GARRE1: variants seen among roughly 807,000 people sequenced by gnomAD.
GARRE1 encodes granule associated Rac and RHOG effector protein 1.
GARRE1 carries 49 observed loss-of-function variants against 103.2 expected under a neutral mutation model. The ratio of observed to expected loss-of-function variants is 0.47; its 90% confidence interval spans 0.38 to 0.60. The LOEUF (loss-of-function observed/expected upper bound fraction) is 0.60, where lower values mean the gene tolerates loss of function less well. Ranked by LOEUF, GARRE1 falls within the 20% of genes least tolerant of loss-of-function variation. The probability of loss-of-function intolerance (pLI) is 0.00; values close to 1 mark genes in which losing one functional copy is unlikely to be tolerated. For synonymous variants in GARRE1, 505 were observed against 532.8 expected (o/e 0.95, Z 0.72); for missense variants, 1,199 against 1,370.5 (o/e 0.87, Z 1.98).
At chr19:34,256,689 A>G (rs2073675235) in intron 1 of GARRE1, among the ~76,000 whole-genome samples, 1 of 152,106 alleles carries the variant, frequency 6.6e-6, no homozygotes, top group Non-Finnish European at 1.5e-5. Flanking sequence ...ATTTTATCAT[A>G]TTTTAGACTA....
intron 2 of GARRE1, among the ~76,000 whole-genome samples, chr19:34,319,210 T>C (rs2074074063): frequency 6.6e-6 from 1 of 152,188 alleles, no homozygotes; most frequent in African/African-American, 2.4e-5. Flanking sequence ...CTTATTATAA[T>C]TACATATTCA....
chr19:34,293,973 T>C (rs1455653870), intron 1 of GARRE1, among the ~76,000 whole-genome samples: 2 of 151,644 alleles, frequency 1.3e-5, no homozygotes, highest in African/African-American at 2.4e-5. Context: ...TTGGCCAGGC[T>C]GGTCTCTAAC....
At chr19:34,264,688 A>G (rs921774722) in intron 1 of GARRE1, among the ~76,000 whole-genome samples, 9 of 152,138 alleles carry the variant, frequency 5.9e-5, no homozygotes, top group East Asian at 5.8e-4. Context: ...GTGAGCCACC[A>G]CGCCCGGCTG....
chr19:34,326,925 T>A (rs1193487530), intron 3 of GARRE1, among the ~76,000 whole-genome samples: 1 of 151,894 alleles, frequency 6.6e-6, no homozygotes, highest in Non-Finnish European at 1.5e-5. Flanking sequence ...GAGGCCGAGG[T>A]GGGTGGATCA....
chr19:34,265,393 G>C (rs181890330), intron 1 of GARRE1, among the ~76,000 whole-genome samples: 172 of 152,274 alleles, frequency 1.1e-3, no homozygotes, highest in African/African-American at 4.0e-3. Flanking sequence ...GAGAGAATGC[G>C]CTACATCCTT....
intron 3 of GARRE1, among the ~76,000 whole-genome samples, chr19:34,322,464 G>A (rs1430128516): frequency 6.6e-6 from 1 of 151,186 alleles, no homozygotes; most frequent in South Asian, 2.1e-4. Flanking sequence ...GAGCCACCAT[G>A]CCTGGCCATT....
intron 1 of GARRE1, among the ~76,000 whole-genome samples, chr19:34,284,608 T>G (rs2073875331): frequency 6.6e-6 from 1 of 152,244 alleles, no homozygotes; most frequent in South Asian, 2.1e-4. Flanking sequence ...TGTATTTGAT[T>G]TTTTAAGTAG....
chr19:34,291,375 T>C (rs901876760), intron 1 of GARRE1, among the ~76,000 whole-genome samples: 14 of 152,224 alleles, frequency 9.2e-5, no homozygotes, highest in Admixed American at 9.2e-4. Flanking sequence ...TGCTATTAAA[T>C]GAGAAGTTAG....
Position 34,352,753 on chromosome 19 carries a change from C to A in GARRE1, c.3011C>A (p.Pro1004His). The A allele has an allele frequency of 1.2e-6, 2 of 1,614,162 alleles. No homozygotes were observed. Among genetic ancestry groups the A allele is most frequent in the Non-Finnish European group, 1.7e-6 (2 of 1,180,028 alleles). Residue 1004 changes from proline (P) to histidine (H), a missense_variant, in exon 14 of 14, where the codon CCT becomes CAT. Transcript: ENST00000299505. ...GCACCACTCTATGCAGTCACCAGCC[C>A]TGGCAGCCAGTGGAACGACACCATG... Reference protein sequence around the residue: ...PSAPLYAVTSPGSQWNDTMQM... With the variant: ...PSAPLYAVTSHGSQWNDTMQM...
At chr19:34,346,302 T>A (rs1341298264) in intron 10 of GARRE1, among the ~76,000 whole-genome samples, 2 of 152,214 alleles carry the variant, frequency 1.3e-5, no homozygotes, top group Non-Finnish European at 2.9e-5. Context: ...ATCTGTGCTT[T>A]TCTCCCATTT....
intron 8 of GARRE1, among the ~76,000 whole-genome samples, chr19:34,338,083 A>C (rs1023744994): frequency 2.6e-5 from 4 of 152,164 alleles, no homozygotes; most frequent in Non-Finnish European, 5.9e-5. Flanking sequence ...ATTCTCTGAT[A>C]TATTTCTTCC....
At chr19:34,344,763 T>G (rs2074203021) in intron 10 of GARRE1, among the ~76,000 whole-genome samples, 1 of 151,284 alleles carries the variant, frequency 6.6e-6, no homozygotes, top group Admixed American at 6.6e-5. Flanking sequence ...AACCTCTGCC[T>G]CCTGGGCTCA....
At chr19:34,292,867 C>T (rs2073925942) in intron 1 of GARRE1, among the ~76,000 whole-genome samples, 1 of 152,094 alleles carries the variant, frequency 6.6e-6, no homozygotes, top group Non-Finnish European at 1.5e-5. Context: ...TCCCAAGTCA[C>T]CCAGCTAATT....
Position 34,354,700 on chromosome 19 carries a change from A to ATATATGTATG in GARRE1, c.*1748_*1749insATGTATGTAT, listed in dbSNP as rs1555713012. 1 of 152,224 alleles carries ATATATGTATG rather than the reference A, an allele frequency of 6.6e-6. No homozygotes were observed. Among genetic ancestry groups the ATATATGTATG allele is most frequent in the Non-Finnish European group, 1.5e-5 (1 of 67,958 alleles). 9.4% of individuals were successfully genotyped at this position (152,224 alleles called of 1,614,324 possible). A position where few individuals can be genotyped will look rare whatever the true frequency, so the allele number is the denominator to read the frequency against. On this transcript the variant is annotated 3_prime_UTR_variant, in exon 14 of 14. Transcript: ENST00000299505. The stretch of plus-strand genomic sequence containing the variant: ...AAGAAAAAAAAAAAAGAATATATAT[A>ATATATGTATG]TATGTATGTATGTATGTATGTAAAC...
intron 2 of GARRE1, among the ~76,000 whole-genome samples, chr19:34,319,546 C>T (rs1157154172): frequency 1.3e-5 from 2 of 151,932 alleles, no homozygotes; most frequent in Admixed American, 1.3e-4. Context: ...ACTGTATGGA[C>T]GTAATTGCTG....
intron 1 of GARRE1, among the ~76,000 whole-genome samples, chr19:34,293,367 C>G (rs1038130203): frequency 5.3e-5 from 8 of 150,554 alleles, no homozygotes; most frequent in African/African-American, 1.2e-4. Context: ...GATCCTCTCT[C>G]TCTTGATTCA....
intron 1 of GARRE1, among the ~76,000 whole-genome samples, chr19:34,270,296 AT>A (rs2073778982): frequency 1.3e-5 from 2 of 152,290 alleles, no homozygotes; most frequent in South Asian, 4.1e-4. Flanking sequence ...TAGGAACATG[AT>A]TTTGTGATTG....
Position 34,347,940 on chromosome 19 carries a change from G to A in GARRE1, c.2585G>A (p.Arg862Gln), listed in dbSNP as rs373093362. The change falls in exon 11 of 14, where the codon CGG (arginine) becomes CAG (glutamine). Residue 862 changes from arginine (R) to glutamine (Q), a missense_variant. Coordinates refer to ENST00000299505, the MANE Select transcript of GARRE1 (RefSeq NM_014686.5). ...AGVSQAMQQK[R>Q]QAQHGRRPGN... Reference sequence around the variant, plus strand: ...GTGAGCCAGGCGATGCAGCAGAAGCGGCAGGCCCAGCACGGTCGCCGGCCA... The same window carrying A: ...GTGAGCCAGGCGATGCAGCAGAAGCAGCAGGCCCAGCACGGTCGCCGGCCA... 50 of 1,592,872 alleles carry A rather than the reference G, an allele frequency of 3.1e-5. No homozygotes were observed. The highest frequency in any genetic ancestry group is 3.9e-5 in the Non-Finnish European group (46 of 1,169,272).
At position 34,342,073 on chromosome 19, in the gene GARRE1, C is replaced by T. The variant is rs370616232; in HGVS notation, c.2139C>T (p.Pro713=). Residue 713 remains proline, a synonymous_variant, in exon 10 of 14, where the codon CCC becomes CCT. Transcript: ENST00000299505. ...CTGGGGCACACACACCTCTGACACC[C>T]CAGCCGGGACTGGCACCTCAGCAGC... ...PQAGAHTPLT[P]QPGLAPQQQS... 7 of 1,614,030 alleles carry T rather than the reference C, an allele frequency of 4.3e-6. No individual in the cohort carries two copies. In the African/African-American group the frequency reaches 8.0e-5, roughly 18 times the overall value.
Sources: gnomAD v4.1 joint callset for allele counts (sites outside exome capture counted in the v4.1 genomes callset) on GRCh38, gnomAD v4.1.1 for gene constraint, MANE v1.5 for transcripts, NCBI Gene and HGNC (gene_info 2026-07-23, HGNC 2026-07-21) for gene names.